Variants in DNAH7 observed in about 807,000 individuals in gnomAD.
The protein encoded by DNAH7 is dynein axonemal heavy chain 7, also known as axonemal beta dynein heavy chain 7.
In DNAH7, 397 loss-of-function variants were observed where a neutral mutation model predicts 444.6. The observed-to-expected ratio is 0.89, with a 90% CI of 0.82 to 0.97. DNAH7 has a LOEUF of 0.97. DNAH7 is among the 50% of genes least tolerant of loss of function. The pLI, the probability that DNAH7 is intolerant of heterozygous loss-of-function variation, is 0.00. For synonymous variants in DNAH7, 1,636 were observed against 1,624.4 expected, an observed-to-expected ratio of 1.01 and a Z score of -0.17; for missense variants, 4,902 against 4,800.8, an observed-to-expected ratio of 1.02 and a Z score of -0.62.
rs945478872 is a variant in DNAH7, at chr2:196,064,393, T to C, written c.15+4304A>G. On this transcript the variant is annotated intron_variant, in intron 1 of 64. Transcript: ENST00000312428. The stretch of plus-strand genomic sequence containing the variant: ...ATAAAAAGAAAAACAAAACCTTCAA[T>C]TGTGCTTTTCACTCCAATTATCACC... Among the ~76,000 whole-genome samples the C allele has an allele frequency of 4.5e-4, 69 of 151,686 alleles. 1 individual carries two copies. Among genetic ancestry groups the C allele is most frequent in the Admixed American group, 4.6e-4 (7 of 15,242 alleles).
At chr2:195,842,135 TCAGATA>T (rs1330313072) in intron 47 of DNAH7, among the ~76,000 whole-genome samples, 2 of 152,096 alleles carry the variant, frequency 1.3e-5, no homozygotes, top group Admixed American at 6.5e-5. Context: ...CAGAGTTATA[TCAGATA>T]CAGGTCTGAT....
intron 5 of DNAH7, among the ~76,000 whole-genome samples, chr2:196,036,637 G>T (rs1242524008): frequency 6.6e-6 from 1 of 152,116 alleles, no homozygotes; most frequent in Non-Finnish European, 1.5e-5. Flanking sequence ...GGACCAGCCT[G>T]CCCACCCCAC....
At chr2:195,797,019 A>G (rs967848666) in intron 55 of DNAH7, among the ~76,000 whole-genome samples, 4 of 152,248 alleles carry the variant, frequency 2.6e-5, no homozygotes, top group African/African-American at 9.6e-5. Context: ...TAAATTAAAT[A>G]GACTTTTAAC....
chr2:195,752,375 T>C (rs562010737), intron 63 of DNAH7, among the ~76,000 whole-genome samples: 1 of 152,250 alleles, frequency 6.6e-6, no homozygotes, highest in Non-Finnish European at 1.5e-5. Context: ...CCTGGGTTTC[T>C]GTCTGGATGG....
intron 5 of DNAH7, among the ~76,000 whole-genome samples, chr2:196,028,414 A>G (rs1200331145): frequency 6.6e-6 from 1 of 152,172 alleles, no homozygotes; most frequent in Non-Finnish European, 1.5e-5. Context: ...GAGTTTTAAA[A>G]AGAACACTGA....
rs556289566 is a variant in DNAH7, at chr2:196,041,082, A to T, written c.398+6270T>A. Reference sequence around the variant, plus strand: ...GAAAATCCCTTAAAAAATGCAAAGCAATCATGGATTGGAAAAATTATTATT... The same window carrying T: ...GAAAATCCCTTAAAAAATGCAAAGCTATCATGGATTGGAAAAATTATTATT... On this transcript the variant is annotated intron_variant, in intron 5 of 64. Coordinates refer to ENST00000312428, the MANE Select transcript of DNAH7 (RefSeq NM_018897.3). Among the ~76,000 whole-genome samples the T allele has an allele frequency of 7.9e-5, 12 of 152,042 alleles. No individual in the cohort carries two copies. The East Asian group carries it at 2.3e-3, about 29-fold the overall frequency.
intron 19 of DNAH7, among the ~76,000 whole-genome samples, chr2:195,942,062 G>A (rs1327839778): frequency 2.0e-5 from 3 of 152,030 alleles, no homozygotes; most frequent in East Asian, 1.9e-4. Flanking sequence ...CTCCATGGGG[G>A]AGACAGACAA....
At chr2:195,739,776 T>C (rs1205552848) in intron 64 of DNAH7, among the ~76,000 whole-genome samples, 3 of 152,228 alleles carry the variant, frequency 2.0e-5, no homozygotes, top group Non-Finnish European at 4.4e-5. Flanking sequence ...GGTGGACATT[T>C]GCAGAGCATC....
chr2:195,961,339 C>A (rs1042454946), intron 17 of DNAH7, among the ~76,000 whole-genome samples: 1 of 151,598 alleles, frequency 6.6e-6, no homozygotes. Flanking sequence ...GATACCTAAA[C>A]GTATTCCTCC....
intron 19 of DNAH7, among the ~76,000 whole-genome samples, chr2:195,941,451 C>CAAA (rs1207029040): frequency 1.8e-5 from 1 of 56,764 alleles, no homozygotes; most frequent in South Asian, 6.3e-4. Flanking sequence ...ACCTAGATGA[C>CAAA]AAAAAAAAAA....
At chr2:196,046,228 G>A (rs952476688) in intron 5 of DNAH7, among the ~76,000 whole-genome samples, 1 of 152,192 alleles carries the variant, frequency 6.6e-6, no homozygotes, top group Non-Finnish European at 1.5e-5. Context: ...CTGCCCTTAT[G>A]GGGGCAGGGC....
In DNAH7 at chr2:195,872,406, C is replaced by T; in HGVS notation, c.6477G>A (p.Leu2159=). Residue 2159 remains leucine (L), a synonymous_variant, in exon 40 of 65, where the codon CTG becomes CTA. Transcript: ENST00000312428. ...TTQIVNGTMT[L]YKEAMKNLLP... ...AGAGATTCTTCATTGCTTCTTTATA[C>T]AGAGTCATTGTGCCATTTACGATTT... is the stretch of plus-strand genomic sequence containing the variant. The T allele has an allele frequency of 6.2e-7, 1 of 1,613,758 alleles. No homozygotes were observed. The highest frequency in any genetic ancestry group is 8.5e-7 in the Non-Finnish European group (1 of 1,179,828).
intron 9 of DNAH7, among the ~76,000 whole-genome samples, chr2:196,014,213 A>G (rs1694880006): frequency 3.3e-5 from 5 of 152,190 alleles, no homozygotes; most frequent in Admixed American, 3.3e-4. Context: ...GTGAAACAAT[A>G]GTTTAAATCA....
chr2:195,992,312 T>C (rs1252803803), intron 12 of DNAH7, among the ~76,000 whole-genome samples: 2 of 152,160 alleles, frequency 1.3e-5, no homozygotes, highest in Non-Finnish European at 2.9e-5. Context: ...GTCTAGTGTG[T>C]GTGAAGGGAG....
chr2:195,957,490 G>T, intron 18 of DNAH7, 43 bp from the exon 19 acceptor site: 1 of 1,425,160 alleles, frequency 7.0e-7, no homozygotes, highest in Non-Finnish European at 9.3e-7. Flanking sequence ...AGCAAACCAA[G>T]CAAATGTTTC....
chr2:195,999,165 C>T lies in DNAH7; in HGVS notation c.1353+1539G>A, dbSNP rs140696474. The T allele has an allele frequency of 2.4e-4, 170 of 717,174 alleles. 1 individual carries two copies. The African/African-American group carries it at 2.4e-3, about 10-fold the overall frequency. The allele number at this position is 717,174 out of a possible 1,614,324, so 44.4% of individuals were successfully genotyped here. ...TCTTAAAATGAGAGTTCTGAGGAGA[C>T]GAAACTTCAGAATGCTGAAAGGTGA... On this transcript the variant is annotated intron_variant, in intron 12 of 64. Coordinates refer to ENST00000312428, the MANE Select transcript of DNAH7 (RefSeq NM_018897.3).
intron 12 of DNAH7, among the ~76,000 whole-genome samples, chr2:196,000,089 C>A (rs925646660): frequency 6.6e-6 from 1 of 152,104 alleles, no homozygotes; most frequent in African/African-American, 2.4e-5. Flanking sequence ...CTACTGAAGC[C>A]TTTACACACT....
intron 1 of DNAH7, among the ~76,000 whole-genome samples, chr2:196,065,718 A>ACCATT (rs1362880796): frequency 6.6e-6 from 1 of 152,198 alleles, no homozygotes; most frequent in Admixed American, 6.5e-5. Flanking sequence ...TCAGGAAGCT[A>ACCATT]CCATTCCAAG....
At chr2:195,878,085 C>A (rs1054280813) in intron 36 of DNAH7, among the ~76,000 whole-genome samples, 4 of 152,286 alleles carry the variant, frequency 2.6e-5, no homozygotes, top group African/African-American at 9.6e-5. Flanking sequence ...ACTCCCTATT[C>A]TGAGCAACAA....
Sources: allele counts gnomAD v4.1 joint callset (sites outside exome capture counted in the v4.1 genomes callset), GRCh38; gene constraint gnomAD v4.1.1; transcripts MANE v1.5; gene names NCBI Gene and HGNC (gene_info 2026-07-23, HGNC 2026-07-21).